The following CCT4 variants were observed in gnomAD, a reference collection of about 807,000 sequenced individuals.
CCT4 encodes the protein T-complex protein 1 subunit delta.
A neutral mutation model predicts 62.5 loss-of-function variants in CCT4; 17 were observed. The ratio of observed to expected loss-of-function variants is 0.27; its 90% CI spans 0.19 to 0.41. The LOEUF (loss-of-function observed/expected upper bound fraction) is 0.41. Ranked by LOEUF, CCT4 falls within the 10% of genes least tolerant of loss-of-function variation. CCT4 has a pLI of 1.00. For missense variants in CCT4, 592 were observed against 659.2 expected, an observed-to-expected ratio of 0.90 and a Z score of 1.12; for synonymous variants, 250 against 229.9, an observed-to-expected ratio of 1.09 and a Z score of -0.79.
chr2:61,888,143 TG>T, intron 1 of CCT4: 2 of 530,454 alleles, frequency 3.8e-6, no homozygotes, highest in Non-Finnish European at 6.6e-6. Flanking sequence ...CAGTGCAGGA[TG>T]AAAAACTAAG....
rs1057346612 is a variant in CCT4 at position 61,880,210 on chromosome 2, T to G, written c.379+76A>C. 6.0e-6 allele frequency: 4 copies of G among 667,700 alleles called. No individual in the cohort carries two copies. In the African/African-American group the frequency reaches 7.7e-5, roughly 13 times the overall value. The allele number at this position is 667,700 out of a possible 1,614,324, so 41.4% of individuals were successfully genotyped here. On this transcript the variant is annotated intron_variant, in intron 4 of 13. Transcript: ENST00000394440. ...ATTAAATCTTCAATCCCATATTACT[T>G]ATGAATAACTTGGCTTTTCCTAAAG...
At chr2:61,875,137 A>G (rs1286021589) in intron 8 of CCT4, among the ~76,000 whole-genome samples, 1 of 11,962 alleles carries the variant, frequency 8.4e-5, no homozygotes, top group Non-Finnish European at 1.5e-4. Context: ...GCGAAACTCC[A>G]TTTCAAAAAA....
At position 61,872,438 on chromosome 2, in the gene CCT4, T is replaced by C. The variant is rs1558503757; in HGVS notation, c.1256+20A>G. 1 of 1,583,178 alleles carries C rather than the reference T, an allele frequency of 6.3e-7. No homozygotes were observed. On this transcript the variant is annotated intron_variant, in intron 11 of 13. Transcript: ENST00000394440. The stretch of plus-strand genomic sequence containing the variant: ...TTTTAATGTTCAAAATGTTACTTAA[T>C]AATGTAACACTGACATTACCTCTTC...
chr2:61,875,614 G>C (rs1668981765), intron 8 of CCT4, among the ~76,000 whole-genome samples: 1 of 150,896 alleles, frequency 6.6e-6, no homozygotes, highest in Admixed American at 6.6e-5. Context: ...AAAAAAAATT[G>C]CTATTAGAAG....
At chr2:61,874,476 G>A (rs963703028) in intron 8 of CCT4, among the ~76,000 whole-genome samples, 17 of 152,066 alleles carry the variant, frequency 1.1e-4, no homozygotes, top group African/African-American at 3.9e-4. Flanking sequence ...CAGGCGTGGT[G>A]GCACGTGACT....
intron 8 of CCT4, among the ~76,000 whole-genome samples, chr2:61,875,711 T>G (rs1013960846): frequency 1.3e-5 from 2 of 152,178 alleles, no homozygotes; most frequent in Non-Finnish European, 2.9e-5. Context: ...AGAAATAAGT[T>G]TTTTAAAAGG....
intron 3 of CCT4, among the ~76,000 whole-genome samples, chr2:61,882,527 T>C (rs1669141128): frequency 6.6e-6 from 1 of 152,100 alleles, no homozygotes; most frequent in Non-Finnish European, 1.5e-5. Context: ...CTTTCTTTTT[T>C]TTTTTTGAGA....
intron 3 of CCT4, among the ~76,000 whole-genome samples, chr2:61,881,870 TAAAA>T (rs971991665): frequency 2.1e-5 from 3 of 143,490 alleles, no homozygotes; most frequent in Non-Finnish European, 4.7e-5. Flanking sequence ...AGTATCTTTG[TAAAA>T]AAAAAAAATT....
Position 61,872,541 on chromosome 2 carries a change from A to G in CCT4, c.1173T>C (p.Arg391=). The G allele has an allele frequency of 6.2e-7, 1 of 1,613,996 alleles. No homozygotes were observed. The highest frequency in any genetic ancestry group is 8.5e-7 in the Non-Finnish European group (1 of 1,179,812). Residue 391 remains arginine (R), a synonymous_variant, in exon 11 of 14, where the codon CGT becomes CGC. Coordinates refer to ENST00000394440, the MANE Select transcript of CCT4 (RefSeq NM_006430.4). ...CTTCAATCACCAGTTTGTTAGAACC[A>G]CGAACAACAATTGTAACTGTTTTTC... is the stretch of plus-strand genomic sequence containing the variant. The part of the protein sequence containing the change: ...SPGKTVTIVV[R]GSNKLVIEEA...
At chr2:61,883,930 C>G (rs1368649708) in intron 2 of CCT4, among the ~76,000 whole-genome samples, 1 of 152,160 alleles carries the variant, frequency 6.6e-6, no homozygotes, top group Non-Finnish European at 1.5e-5. Context: ...GCGGTGAACA[C>G]AATTCTTACA....
intron 2 of CCT4, among the ~76,000 whole-genome samples, chr2:61,883,855 A>C (rs1267694233): frequency 6.6e-6 from 1 of 151,870 alleles, no homozygotes. Context: ...GCTATCTTTA[A>C]TGATTTCTTA....
intron 8 of CCT4, 131 bp downstream of exon 8, chr2:61,875,964 C>A: frequency 1.8e-6 from 1 of 560,702 alleles, no homozygotes; most frequent in Non-Finnish European, 3.1e-6. Flanking sequence ...TTCGTTTCAC[C>A]TAAGAGTTGT....
At chr2:61,887,714 C>T (rs938413120) in intron 1 of CCT4, among the ~76,000 whole-genome samples, 2 of 152,202 alleles carry the variant, frequency 1.3e-5, no homozygotes, top group Admixed American at 1.3e-4. Flanking sequence ...GTAACGGAAG[C>T]AGAGAATGAA....
At chr2:61,876,062 A>G in intron 8 of CCT4, 33 bp downstream of exon 8, 1 of 1,460,530 alleles carries the variant, frequency 6.8e-7, no homozygotes, top group Non-Finnish European at 9.4e-7. Flanking sequence ...CAAAATTATC[A>G]TTAAGGGATG....
At position 61,873,225 on chromosome 2, in the gene CCT4, T is replaced by C; in HGVS notation, c.986A>G (p.Glu329Gly). The C allele has an allele frequency of 6.6e-7, 1 of 1,524,358 alleles. No individual in the cohort carries two copies. Among genetic ancestry groups the C allele is most frequent in the South Asian group, 1.1e-5 (1 of 89,068 alleles). 94.4% of individuals were successfully genotyped at this position (1,524,358 alleles called of 1,614,324 possible). A position where few individuals can be genotyped will look rare whatever the true frequency, so the allele number is the denominator to read the frequency against. ...ACAAATGAATTCAATGTCTTCTCTTTCAATATCCTTAATCACCATGATCTT... is the reference window on the plus strand; with the variant it reads ...ACAAATGAATTCAATGTCTTCTCTTCCAATATCCTTAATCACCATGATCTT... ...KMKIMVIKDIEREDIEFICKT... is the reference protein window; with the variant it reads ...KMKIMVIKDIGREDIEFICKT... Residue 329 changes from glutamate to glycine, a missense_variant, in exon 9 of 14, where the codon GAA (glutamate) becomes GGA (glycine). Glu to Gly is a moderately conservative substitution (Grantham distance 98). Coordinates refer to ENST00000394440, the MANE Select transcript of CCT4 (RefSeq NM_006430.4).
chr2:61,879,418 C>G (rs1669066023), intron 4 of CCT4, among the ~76,000 whole-genome samples: 1 of 149,630 alleles, frequency 6.7e-6, no homozygotes, highest in African/African-American at 2.5e-5. Flanking sequence ...CACGCCACCA[C>G]ACCCGGCTAA....
Position 61,888,628 on chromosome 2 carries a change from G to A in CCT4, c.-121C>T, listed in dbSNP as rs542940679. On this transcript the variant is annotated 5_prime_UTR_variant, in exon 1 of 14. Coordinates refer to ENST00000394440, the MANE Select transcript of CCT4 (RefSeq NM_006430.4). ...CACGAACCTTCCAGAAAGCGGCGCCGGCGTCGGGAGGAGGCGGAGGCGGAG... is the reference window on the plus strand; with the variant it reads ...CACGAACCTTCCAGAAAGCGGCGCCAGCGTCGGGAGGAGGCGGAGGCGGAG... 1.1e-4 allele frequency: 140 copies of A among 1,226,340 alleles called. No individual in the cohort carries two copies. In the African/African-American group the frequency reaches 1.2e-3, roughly 10 times the overall value. 76.0% of individuals were successfully genotyped at this position (1,226,340 alleles called of 1,614,324 possible). A position where few individuals can be genotyped will look rare whatever the true frequency, so the allele number is the denominator to read the frequency against.
rs555813980 is a variant in CCT4 at position 61,877,071 on chromosome 2, A to G, written c.645-19T>C. 1 of 1,609,132 alleles carries G rather than the reference A, an allele frequency of 6.2e-7. No homozygotes were observed. Among genetic ancestry groups the G allele is most frequent in the Admixed American group, 1.7e-5 (1 of 59,318 alleles). ...TGTCCCACTAAGGATAAAAGAAAACAAAGAGGGGTAGTTAAGAGGGAGTGG... is the reference window on the plus strand; with the variant it reads ...TGTCCCACTAAGGATAAAAGAAAACGAAGAGGGGTAGTTAAGAGGGAGTGG... On this transcript the variant is annotated intron_variant, in intron 6 of 13. Coordinates refer to ENST00000394440, the MANE Select transcript of CCT4 (RefSeq NM_006430.4).
At chr2:61,873,847 T>TGCC in intron 8 of CCT4, among the ~76,000 whole-genome samples, 1 of 152,180 alleles carries the variant, frequency 6.6e-6, no homozygotes, top group South Asian at 2.1e-4. Flanking sequence ...ATTACAGGCA[T>TGCC]GAGCCACTGC....
Sources: allele counts gnomAD v4.1 joint callset (sites outside exome capture counted in the v4.1 genomes callset), GRCh38; gene constraint gnomAD v4.1.1; transcripts MANE v1.5; gene names NCBI Gene and HGNC (gene_info 2026-07-23, HGNC 2026-07-21).